The following YIPF5 variants were observed in gnomAD, a reference collection of about 807,000 sequenced individuals.
YIPF5 encodes Yip1 domain family member 5.
YIPF5 carries 8 observed loss-of-function variants against 30.4 expected under a neutral mutation model. The observed-to-expected ratio is 0.26, with a 90% CI of 0.15 to 0.47. YIPF5 has a LOEUF of 0.47. YIPF5 is among the 20% of genes least tolerant of loss of function. The pLI, the probability that YIPF5 is intolerant of heterozygous loss-of-function variation, is 0.99. For missense variants in YIPF5, 282 were observed against 301.8 expected (o/e 0.93, Z 0.49); for synonymous variants, 104 against 107.9 (o/e 0.96, Z 0.23).
rs373446550 is a variant in YIPF5 at position 144,161,824 on chromosome 5, C to T, written c.611+394G>A. ...CAATAGAGAGTATGTATTTATTATT[C>T]GTACATTTGGCATATGTCCAATGGT... On this transcript the variant is annotated intron_variant, in intron 5 of 5. Coordinates refer to ENST00000274496, the MANE Select transcript of YIPF5 (RefSeq NM_030799.9). Among the ~76,000 whole-genome samples the T allele has an allele frequency of 7.2e-5, 11 of 152,224 alleles. No individual in the cohort carries two copies. In the South Asian group the frequency reaches 1.7e-3, roughly 23 times the overall value.
At chr5:144,169,132 G>T (rs995043969) in intron 2 of YIPF5, among the ~76,000 whole-genome samples, 1 of 152,160 alleles carries the variant, frequency 6.6e-6, no homozygotes. Context: ...AAGCTGATAA[G>T]ATTATCTCTA....
At chr5:144,168,530 A>G (rs932724497) in intron 2 of YIPF5, among the ~76,000 whole-genome samples, 1 of 152,214 alleles carries the variant, frequency 6.6e-6, no homozygotes, top group African/African-American at 2.4e-5. Context: ...AAATGAATGG[A>G]AATACCTCAA....
intron 5 of YIPF5, among the ~76,000 whole-genome samples, chr5:144,161,332 C>CT: frequency 8.9e-6 from 1 of 112,134 alleles, no homozygotes; most frequent in Admixed American, 1.0e-4. Flanking sequence ...ACCTTTCCTT[C>CT]CTTTTTTTTT....
intron 5 of YIPF5, 133 bp from the exon 6 acceptor site, chr5:144,160,692 A>G: frequency 1.3e-6 from 1 of 751,576 alleles, no homozygotes; most frequent in Non-Finnish European, 1.9e-6. Context: ...ATATGCAAAA[A>G]TAATCAGGAT....
intron 2 of YIPF5, 31 bp from the exon 3 acceptor site, chr5:144,165,635 A>C: frequency 1.9e-6 from 3 of 1,611,632 alleles, no homozygotes; most frequent in Non-Finnish European, 2.5e-6. Flanking sequence ...AATTTTTCAG[A>C]GGTATTTCAA....
At chr5:144,164,552 A>G (rs2126759462) in intron 3 of YIPF5, among the ~76,000 whole-genome samples, 1 of 150,868 alleles carries the variant, frequency 6.6e-6, no homozygotes, top group Middle Eastern at 3.4e-3. Context: ...ACACAGAGCT[A>G]ATTTTTTTCT....
At chr5:144,162,656 A>G (rs981382795) in intron 4 of YIPF5, among the ~76,000 whole-genome samples, 1 of 152,222 alleles carries the variant, frequency 6.6e-6, no homozygotes, top group African/African-American at 2.4e-5. Context: ...ATAAAGAGAC[A>G]AAAGCATAGC....
chr5:144,165,723 G>A lies in YIPF5; in HGVS notation c.111-119C>T, dbSNP rs1005752942. ...GAACCTTAGTTGTGAAATTCCTCAG[G>A]TACAAACTTTGCCAATTTTTATAAA... On this transcript the variant is annotated intron_variant, in intron 2 of 5. Transcript: ENST00000274496. The A allele has an allele frequency of 5.7e-6, 6 of 1,049,390 alleles. No homozygotes were observed. The Admixed American group carries it at 1.4e-4, about 25-fold the overall frequency. 65.0% of individuals were successfully genotyped at this position (1,049,390 alleles called of 1,614,324 possible).
At position 144,158,794 on chromosome 5, in the gene YIPF5, C is replaced by G; in HGVS notation, c.*1603G>C. ...CAGACGATTAATGAAGAAAAACATA[C>G]TTATGTGAATCAATAAATATGTTAT... On this transcript the variant is annotated 3_prime_UTR_variant, in exon 6 of 6. Transcript: ENST00000274496. 1.0e-6 allele frequency: 1 copy of G among 987,514 alleles called. No individual in the cohort carries two copies. The highest frequency in any genetic ancestry group is 1.2e-6 in the Non-Finnish European group (1 of 831,314). 61.2% of individuals were successfully genotyped at this position (987,514 alleles called of 1,614,324 possible). A position where few individuals can be genotyped will look rare whatever the true frequency, so the allele number is the denominator to read the frequency against.
At chr5:144,166,395 A>C (rs749146998) in intron 2 of YIPF5, among the ~76,000 whole-genome samples, 2 of 152,202 alleles carry the variant, frequency 1.3e-5, no homozygotes, top group African/African-American at 4.8e-5. Context: ...CTGTTCCATC[A>C]TGTTTTGAAA....
intron 2 of YIPF5, among the ~76,000 whole-genome samples, chr5:144,165,939 T>C (rs1204638695): frequency 1.3e-5 from 2 of 152,234 alleles, no homozygotes; most frequent in Non-Finnish European, 2.9e-5. Flanking sequence ...TTAGTGGATA[T>C]ATACAATATG....
Position 144,165,581 on chromosome 5 carries a change from G to C in YIPF5, c.134C>G (p.Ser45Trp). Residue 45 changes from serine (S) to tryptophan (W), a missense_variant, in exon 3 of 6, where the codon TCG becomes TGG. By Grantham distance (177) the Ser-to-Trp change is radical (BLOSUM62 -3). Transcript: ENST00000274496. ...TGGAGGGACAAATCTGCCTTGCTGCGAATAGTCATAGCCAGCATACTGTCT... is the reference window on the plus strand; with the variant it reads ...TGGAGGGACAAATCTGCCTTGCTGCCAATAGTCATAGCCAGCATACTGTCT... ...YSKQYAGYDYSQQGRFVPPDM... is the reference protein window; with the variant it reads ...YSKQYAGYDYWQQGRFVPPDM... 3.1e-6 allele frequency: 5 copies of C among 1,614,044 alleles called. No homozygotes were observed. Among genetic ancestry groups the C allele is most frequent in the Non-Finnish European group, 3.4e-6 (4 of 1,179,990 alleles).
At chr5:144,163,099 A>G (rs1359819785) in intron 4 of YIPF5, among the ~76,000 whole-genome samples, 1 of 152,234 alleles carries the variant, frequency 6.6e-6, no homozygotes, top group South Asian at 2.1e-4. Context: ...TTATCCTGTT[A>G]GTGAAGTTTG....
In YIPF5 at chr5:144,158,798, T is replaced by C. The variant is rs1751942354; in HGVS notation, c.*1599A>G. ...CGATTAATGAAGAAAAACATACTTA[T>C]GTGAATCAATAAATATGTTATTTCT... On this transcript the variant is annotated 3_prime_UTR_variant, in exon 6 of 6. Coordinates refer to ENST00000274496, the MANE Select transcript of YIPF5 (RefSeq NM_030799.9). 3.0e-6 allele frequency: 3 copies of C among 987,592 alleles called. No homozygotes were observed. The highest frequency in any genetic ancestry group is 3.6e-6 in the Non-Finnish European group (3 of 831,246). 61.2% of individuals were successfully genotyped at this position (987,592 alleles called of 1,614,324 possible).
At chr5:144,164,392 AT>A in intron 3 of YIPF5, 136 bp from the exon 4 acceptor site, 1 of 767,940 alleles carries the variant, frequency 1.3e-6, no homozygotes, top group Non-Finnish European at 2.0e-6. Context: ...TATTATTATT[AT>A]TATAATTATT....
intron 2 of YIPF5, among the ~76,000 whole-genome samples, chr5:144,167,111 G>A (rs1234199220): frequency 6.6e-6 from 1 of 152,148 alleles, no homozygotes; most frequent in Non-Finnish European, 1.5e-5. Context: ...CCTAAATTTT[G>A]AGAGTTGCTG....
At position 144,159,113 on chromosome 5, in the gene YIPF5, T is replaced by C. The variant is rs1751953675; in HGVS notation, c.*1284A>G. 2 of 981,830 alleles carry C rather than the reference T, an allele frequency of 2.0e-6. No individual in the cohort carries two copies. Among genetic ancestry groups the C allele is most frequent in the Non-Finnish European group, 2.4e-6 (2 of 826,828 alleles). 60.8% of individuals were successfully genotyped at this position (981,830 alleles called of 1,614,324 possible). ...AAATAAATTTAATACAATAAAATAATGTAACTCAAACTGCTCATTTAATCC... is the reference window on the plus strand; with the variant it reads ...AAATAAATTTAATACAATAAAATAACGTAACTCAAACTGCTCATTTAATCC... On this transcript the variant is annotated 3_prime_UTR_variant, in exon 6 of 6. Coordinates refer to ENST00000274496, the MANE Select transcript of YIPF5 (RefSeq NM_030799.9).
At chr5:144,167,615 C>G (rs942177183) in intron 2 of YIPF5, among the ~76,000 whole-genome samples, 8 of 152,054 alleles carry the variant, frequency 5.3e-5, no homozygotes, top group Admixed American at 2.0e-4. Flanking sequence ...TTATATAACT[C>G]AACAGATTAT....
At position 144,162,324 on chromosome 5, in the gene YIPF5, A is replaced by C. The variant is rs754897452; in HGVS notation, c.505T>G (p.Leu169Val). 6.2e-7 allele frequency: 1 copy of C among 1,614,160 alleles called. No individual in the cohort carries two copies. The highest frequency in any genetic ancestry group is 8.5e-7 in the Non-Finnish European group (1 of 1,179,994). The change falls in exon 5 of 6, where the codon TTA becomes GTA. Residue 169 changes from leucine to valine, a missense_variant. Transcript: ENST00000274496. ...GCLGMFCLLN[L>V]MSMTGVSFGC... ...AATGAAACACCTGTCATACTCATTAAGTTTAATAAACAAAACATTCCTAGA... is the reference window on the plus strand; with the variant it reads ...AATGAAACACCTGTCATACTCATTACGTTTAATAAACAAAACATTCCTAGA...
Sources: gnomAD v4.1 joint callset for allele counts (sites outside exome capture counted in the v4.1 genomes callset) on GRCh38, gnomAD v4.1.1 for gene constraint, MANE v1.5 for transcripts, NCBI Gene and HGNC (gene_info 2026-07-23, HGNC 2026-07-21) for gene names.